The following NPAS2 variants were observed in gnomAD, a reference collection of about 807,000 sequenced individuals.
The protein encoded by NPAS2 is neuronal PAS domain-containing protein 2.
A neutral mutation model predicts 107.5 loss-of-function variants in NPAS2; 23 were observed. The ratio of observed to expected loss-of-function variants is 0.21; its 90% CI spans 0.15 to 0.30. NPAS2 has a LOEUF of 0.30. Ranked by LOEUF, NPAS2 falls within the 10% of genes least tolerant of loss-of-function variation. NPAS2 has a pLI of 1.00. For missense variants in NPAS2, 756 were observed against 1,043.3 expected (o/e 0.72, Z 3.79); for synonymous variants, 403 against 417.5 (o/e 0.97, Z 0.42).
intron 10 of NPAS2, among the ~76,000 whole-genome samples, chr2:100,967,272 A>C (rs1676275960): frequency 8.7e-6 from 1 of 114,874 alleles, no homozygotes; most frequent in African/African-American, 3.4e-5. Context: ...TTTGAGACAG[A>C]GTCTCACTCT....
chr2:100,829,375 A>G (rs908607467), intron 1 of NPAS2, among the ~76,000 whole-genome samples: 1 of 151,592 alleles, frequency 6.6e-6, no homozygotes, highest in African/African-American at 2.4e-5. Context: ...CTGGTCTCGA[A>G]CTCCTGACCT....
At chr2:100,890,557 C>T (rs1046715700) in intron 1 of NPAS2, among the ~76,000 whole-genome samples, 8 of 152,042 alleles carry the variant, frequency 5.3e-5, no homozygotes, top group Non-Finnish European at 1.0e-4. Context: ...GAGCCAGCCA[C>T]TCAGAGCCAC....
At chr2:100,819,773 G>C (rs994299370), upstream of NPAS2, among the ~76,000 whole-genome samples, 2 of 145,320 alleles carry the variant, frequency 1.4e-5, no homozygotes, top group African/African-American at 5.5e-5. The surrounding 1 kb of genome is among the most constrained non-coding windows in gnomAD (Gnocchi z 5.8). Context: ...CCTCTGGGCC[G>C]GCTCACCTGG....
At chr2:100,887,224 C>T (rs1215498733) in intron 1 of NPAS2, among the ~76,000 whole-genome samples, 2 of 152,160 alleles carry the variant, frequency 1.3e-5, no homozygotes, top group Non-Finnish European at 2.9e-5. Context: ...AAGTAGAGCA[C>T]CTGAGACTCA....
chr2:100,821,173 C>G (rs1676048090), intron 1 of NPAS2: 1 of 1,304,532 alleles, frequency 7.7e-7, no homozygotes, highest in Non-Finnish European at 1.0e-6. Flanking sequence ...TCCCGCTCCT[C>G]TGCTTGCCAC....
intron 1 of NPAS2, among the ~76,000 whole-genome samples, chr2:100,835,075 A>G (rs1676973007): frequency 2.0e-5 from 3 of 152,118 alleles, no homozygotes; most frequent in Admixed American, 1.3e-4. Flanking sequence ...TCCAAGGATC[A>G]TTTGGGAGGG....
intron 1 of NPAS2, among the ~76,000 whole-genome samples, chr2:100,902,569 G>C (rs764840556): frequency 6.6e-6 from 1 of 152,160 alleles, no homozygotes; most frequent in African/African-American, 2.4e-5. Flanking sequence ...TAGGGAATGG[G>C]GACTTCTTGT....
At chr2:100,967,955 C>A (rs1013096392) in intron 10 of NPAS2, among the ~76,000 whole-genome samples, 1 of 152,308 alleles carries the variant, frequency 6.6e-6, no homozygotes, top group Middle Eastern at 3.4e-3. Context: ...GCTCTGCCTG[C>A]GGCGGGAGGA....
chr2:100,982,372 G>A lies in NPAS2; in HGVS notation c.1624G>A (p.Val542Ile), dbSNP rs756916445. The A allele has an allele frequency of 4.3e-6, 7 of 1,613,772 alleles. No homozygotes were observed. The highest frequency in any genetic ancestry group is 2.2e-5 in the East Asian group (1 of 44,898). ...EQLCLVQDSNVQMFLQQPAVS... is the reference protein window; with the variant it reads ...EQLCLVQDSNIQMFLQQPAVS... ...GCTCTGCCTGGTCCAGGACTCCAAC[G>A]TCCAGGTGATCCCCTTCCCGGGCTG... The change falls in exon 16 of 21, where the codon GTC becomes ATC. Residue 542 changes from valine (V) to isoleucine (I), a missense_variant. Val to Ile is a conservative substitution (Grantham distance 29). Around this residue, in one of 4 missense-constraint regions of NPAS2, gnomAD observed 496 missense variants for 594.4 expected, o/e 0.83. Transcript: ENST00000335681.
At chr2:100,897,455 C>A (rs370239926) in intron 1 of NPAS2, among the ~76,000 whole-genome samples, 1 of 152,098 alleles carries the variant, frequency 6.6e-6, no homozygotes, top group African/African-American at 2.4e-5. Context: ...AGTGCCTTCC[C>A]GTCTCACATA....
chr2:100,943,630 T>A (rs1261403883), intron 5 of NPAS2, among the ~76,000 whole-genome samples: 1 of 152,224 alleles, frequency 6.6e-6, no homozygotes, highest in Non-Finnish European at 1.5e-5. Flanking sequence ...GCAGGGGCTA[T>A]GGGAAGCAGG....
intron 1 of NPAS2, among the ~76,000 whole-genome samples, chr2:100,893,369 T>C (rs962895622): frequency 1.3e-5 from 2 of 152,242 alleles, no homozygotes; most frequent in Non-Finnish European, 2.9e-5. Context: ...CCTTTTATGA[T>C]TCCAACTTGT....
At chr2:100,945,306 C>T (rs866572027) in intron 5 of NPAS2, among the ~76,000 whole-genome samples, 1 of 152,156 alleles carries the variant, frequency 6.6e-6, no homozygotes, top group Non-Finnish European at 1.5e-5. Flanking sequence ...CAGGGAGGGG[C>T]TCTGCCTGCT....
intron 7 of NPAS2, among the ~76,000 whole-genome samples, chr2:100,952,365 G>A (rs554038646): frequency 9.9e-4 from 151 of 151,892 alleles, no homozygotes; most frequent in African/African-American, 3.5e-3. Flanking sequence ...GGGAATTTGA[G>A]ACCAGCCTGA....
At chr2:100,826,327 G>A (rs1366462310) in intron 1 of NPAS2, among the ~76,000 whole-genome samples, 1 of 152,060 alleles carries the variant, frequency 6.6e-6, no homozygotes, top group Non-Finnish European at 1.5e-5. Context: ...CTGTAATCCT[G>A]GCTACTCAGG....
chr2:100,897,315 A>T (rs1681475875), intron 1 of NPAS2, among the ~76,000 whole-genome samples: 2 of 152,280 alleles, frequency 1.3e-5, no homozygotes. Flanking sequence ...AATTTGCCTA[A>T]TCCTTGCCAT....
chr2:100,960,674 TC>T (rs755688200), intron 7 of NPAS2, among the ~76,000 whole-genome samples: 18 of 152,016 alleles, frequency 1.2e-4, no homozygotes, highest in Non-Finnish European at 1.9e-4. Context: ...TATGGGCACC[TC>T]CCACAGCTGG....
chr2:100,948,129 A>G (rs1573693818), intron 5 of NPAS2, 106 bp from the exon 6 acceptor site: 1 of 1,305,148 alleles, frequency 7.7e-7, no homozygotes, highest in Non-Finnish European at 1.1e-6. Context: ...TGAACTTTCC[A>G]TTTCAGAAAC....
intron 7 of NPAS2, among the ~76,000 whole-genome samples, chr2:100,960,670 C>T (rs748795859): frequency 3.9e-5 from 6 of 152,044 alleles, no homozygotes; most frequent in Admixed American, 6.5e-5. Context: ...GTGCTATGGG[C>T]ACCTCCCACA....
Sources: allele counts gnomAD v4.1 joint callset (sites outside exome capture counted in the v4.1 genomes callset), GRCh38; gene constraint gnomAD v4.1.1; regional missense constraint gnomAD v4.1.1; non-coding constraint Gnocchi (gnomAD v3.1); transcripts MANE v1.5; gene names NCBI Gene and HGNC (gene_info 2026-07-23, HGNC 2026-07-21).